EML6: variants seen among roughly 807,000 people sequenced by gnomAD.
EML6 encodes the protein EMAP like 6.
A neutral mutation model predicts 240.1 loss-of-function variants in EML6; 154 were observed. The observed-to-expected ratio is 0.64, with a 90% CI of 0.56 to 0.73. The LOEUF is 0.73. EML6 is among the 30% of genes least tolerant of loss of function. EML6 has a pLI of 0.00. For synonymous variants in EML6, 1,148 were observed against 899.0 expected, an observed-to-expected ratio of 1.28 and a Z score of -4.95; for missense variants, 2,964 against 2,474.6, an observed-to-expected ratio of 1.20 and a Z score of -4.20.
Position 54,968,217 on chromosome 2 carries a change from A to G in EML6, c.5687A>G (p.Asn1896Ser). ...NCACVTHAGL[N>S]IVTGDDFGLV... ...GCATGTGTGACCCACGCTGGCCTGA[A>G]CATTGTCACAGGAGATGACTTTGGG... Residue 1896 changes from asparagine to serine, a missense_variant, in exon 40 of 42, where the codon AAC becomes AGC. By Grantham distance (46) the Asn-to-Ser change is conservative. Coordinates refer to ENST00000356458, the MANE Select transcript of EML6 (RefSeq NM_001039753.4). 1 of 1,551,754 alleles carries G rather than the reference A, an allele frequency of 6.4e-7. No homozygotes were observed. The highest frequency in any genetic ancestry group is 2.4e-5 in the East Asian group (1 of 40,934).
In EML6 at chr2:54,910,914, C is replaced by T. The variant is rs766243423; in HGVS notation, c.3410-40C>T. On this transcript the variant is annotated intron_variant, in intron 24 of 41. Coordinates refer to ENST00000356458, the MANE Select transcript of EML6 (RefSeq NM_001039753.4). ...TCATTTTATAATAAAGAGATAAAGTCAGATTTTAATTATCTCTCTACTTCG... is the reference window on the plus strand; with the variant it reads ...TCATTTTATAATAAAGAGATAAAGTTAGATTTTAATTATCTCTCTACTTCG... 805 of 1,025,692 alleles carry T rather than the reference C, an allele frequency of 7.8e-4. 10 individuals carry two copies. The highest frequency in any genetic ancestry group is 6.5e-4 in the Admixed American group (30 of 45,830). The allele number at this position is 1,025,692 out of a possible 1,614,324, so 63.5% of individuals were successfully genotyped here. A position where few individuals can be genotyped will look rare whatever the true frequency, so the allele number is the denominator to read the frequency against.
chr2:54,765,049 AT>A (rs370809295), intron 2 of EML6, among the ~76,000 whole-genome samples: 2,403 of 151,500 alleles, frequency 0.016, 64 homozygotes, highest in African/African-American at 0.054. Flanking sequence ...CTACATTAGA[AT>A]TTTTTTTTCT....
intron 24 of EML6, among the ~76,000 whole-genome samples, chr2:54,906,118 A>G (rs2104247641): frequency 6.6e-6 from 1 of 152,344 alleles, no homozygotes; most frequent in East Asian, 1.9e-4. Flanking sequence ...TTTCCATAGC[A>G]GCTCTACCAT....
chr2:54,883,357 A>G (rs539175969), intron 17 of EML6, among the ~76,000 whole-genome samples: 39 of 152,154 alleles, frequency 2.6e-4, no homozygotes, highest in African/African-American at 8.7e-4. Context: ...CTATATTTTC[A>G]GCCAATTTAA....
chr2:54,818,812 C>T (rs1203221371), intron 4 of EML6, among the ~76,000 whole-genome samples: 2 of 152,128 alleles, frequency 1.3e-5, no homozygotes, highest in East Asian at 1.9e-4. Context: ...ACTGTTCTCC[C>T]AGACCCCATA....
chr2:54,791,707 C>G (rs922064717), intron 2 of EML6, among the ~76,000 whole-genome samples: 1 of 152,054 alleles, frequency 6.6e-6, no homozygotes, highest in Non-Finnish European at 1.5e-5. Flanking sequence ...GCCAAGAGAA[C>G]TGAAGATTGA....
At chr2:54,759,953 T>A (rs763076001) in intron 2 of EML6, among the ~76,000 whole-genome samples, 5 of 151,190 alleles carry the variant, frequency 3.3e-5, no homozygotes, top group Non-Finnish European at 5.9e-5. Context: ...AGAAATAAGA[T>A]AACTTGCTCT....
intron 2 of EML6, among the ~76,000 whole-genome samples, chr2:54,745,117 G>A (rs952833912): frequency 5.3e-5 from 8 of 152,182 alleles, no homozygotes; most frequent in South Asian, 4.1e-4. Context: ...AGGATTCTCC[G>A]GGTATGAGGT....
At chr2:54,780,790 T>A (rs1466221847) in intron 2 of EML6, among the ~76,000 whole-genome samples, 29 of 152,208 alleles carry the variant, frequency 1.9e-4, no homozygotes, top group Admixed American at 1.9e-3. Flanking sequence ...TAAACTACAT[T>A]ATGGCTTGTG....
chr2:54,964,878 A>G, intron 38 of EML6, 145 bp downstream of exon 38: 1 of 670,992 alleles, frequency 1.5e-6, no homozygotes, highest in East Asian at 3.0e-5. Flanking sequence ...TACTTTTTCC[A>G]TATTTTATAA....
intron 28 of EML6, 38 bp from the exon 29 acceptor site, chr2:54,948,844 T>C (rs1328373212): frequency 2.0e-6 from 3 of 1,514,138 alleles, no homozygotes; most frequent in Non-Finnish European, 2.7e-6. Flanking sequence ...GCAGCCCTTG[T>C]TCAATGCTGT....
chr2:54,842,082 A>G (rs1012951893), intron 7 of EML6, among the ~76,000 whole-genome samples: 5 of 150,650 alleles, frequency 3.3e-5, no homozygotes, highest in Non-Finnish European at 7.4e-5. Flanking sequence ...TGTCATTATC[A>G]CCCAGATGCC....
chr2:54,890,434 A>G (rs181924678), intron 17 of EML6, among the ~76,000 whole-genome samples: 317 of 152,266 alleles, frequency 2.1e-3, no homozygotes, highest in Non-Finnish European at 3.6e-3. Flanking sequence ...CCAGGTCTAC[A>G]ATGGAACTTT....
chr2:54,839,287 A>G (rs1233189734), intron 7 of EML6, among the ~76,000 whole-genome samples: 1 of 152,226 alleles, frequency 6.6e-6, no homozygotes, highest in Non-Finnish European at 1.5e-5. Flanking sequence ...AAGGATGGCA[A>G]TGGGATGTTA....
chr2:54,813,650 A>G (rs1667958546), intron 3 of EML6, among the ~76,000 whole-genome samples: 1 of 152,156 alleles, frequency 6.6e-6, no homozygotes, highest in African/African-American at 2.4e-5. Flanking sequence ...ATTCATGGTG[A>G]TCAGGTTCAC....
chr2:54,832,536 TA>T (rs1444051060), intron 7 of EML6, among the ~76,000 whole-genome samples: 4 of 152,198 alleles, frequency 2.6e-5, no homozygotes, highest in African/African-American at 9.7e-5. Context: ...GTGTAGGAAT[TA>T]AAATACATAG....
chr2:54,961,172 T>C (rs995105626), intron 35 of EML6, among the ~76,000 whole-genome samples: 5 of 147,468 alleles, frequency 3.4e-5, no homozygotes, highest in Non-Finnish European at 6.0e-5. Context: ...GCCTGGAAGT[T>C]ATCAGGAAGT....
At chr2:54,767,266 A>G (rs1668221065) in intron 2 of EML6, among the ~76,000 whole-genome samples, 1 of 152,220 alleles carries the variant, frequency 6.6e-6, no homozygotes, top group South Asian at 2.1e-4. Flanking sequence ...GCCCTATTCA[A>G]TGAAGAAGAA....
intron 2 of EML6, among the ~76,000 whole-genome samples, chr2:54,811,577 CA>C (rs1345345105): frequency 6.8e-6 from 1 of 147,380 alleles, no homozygotes; most frequent in Non-Finnish European, 1.5e-5. Flanking sequence ...TCAAAGATAG[CA>C]GTGTGATTTC....
Sources: allele counts gnomAD v4.1 joint callset (sites outside exome capture counted in the v4.1 genomes callset), GRCh38; gene constraint gnomAD v4.1.1; transcripts MANE v1.5; gene names NCBI Gene and HGNC (gene_info 2026-07-23, HGNC 2026-07-21).